Variants in SPIDR observed in about 807,000 individuals in gnomAD.
SPIDR encodes DNA repair-scaffolding protein.
In SPIDR, 93 loss-of-function variants were observed where a neutral mutation model predicts 104.6. The observed-to-expected ratio is 0.89, with a 90% confidence interval of 0.75 to 1.06. The LOEUF is 1.06. Among genes scored for constraint, SPIDR ranks in the 50% least tolerant of loss-of-function variants. The pLI, the probability that SPIDR is intolerant of heterozygous loss-of-function variation, is 0.00. For synonymous variants in SPIDR, 431 were observed against 416.9 expected, an observed-to-expected ratio of 1.03 and a Z score of -0.41; for missense variants, 1,154 against 1,111.2, an observed-to-expected ratio of 1.04 and a Z score of -0.55.
intron 5 of SPIDR, among the ~76,000 whole-genome samples, chr8:47,323,330 C>A (rs2047109405): frequency 6.6e-6 from 1 of 152,112 alleles, no homozygotes; most frequent in Non-Finnish European, 1.5e-5. Context: ...TCATATAATT[C>A]TTTTATCTTA....
At position 47,712,838 on chromosome 8, in the gene SPIDR, C is replaced by G. The variant is rs1177312093; in HGVS notation, c.2154C>G (p.His718Gln). Residue 718 changes from histidine to glutamine, a missense_variant, in exon 15 of 20, where the codon CAC (histidine) becomes CAG (glutamine). Transcript: ENST00000297423. ...VLEALAGAAP[H>Q]SLFFKDALRD... ...AGGCACTCGCTGGGGCTGCCCCTCA[C>G]AGCCTCTTCTTCAAGGACGCTCTCC... 1 of 1,614,112 alleles carries G rather than the reference C, an allele frequency of 6.2e-7. No homozygotes were observed. Among genetic ancestry groups the G allele is most frequent in the Non-Finnish European group, 8.5e-7 (1 of 1,180,036 alleles).
chr8:47,310,804 T>C (rs2044012259), intron 5 of SPIDR, among the ~76,000 whole-genome samples: 1 of 151,812 alleles, frequency 6.6e-6, no homozygotes, highest in African/African-American at 2.4e-5. Flanking sequence ...CAAGAAAGAG[T>C]TCAGAGGTGT....
intron 8 of SPIDR, among the ~76,000 whole-genome samples, chr8:47,570,579 C>T (rs1488458687): frequency 6.6e-6 from 1 of 152,136 alleles, no homozygotes; most frequent in Non-Finnish European, 1.5e-5. Context: ...AGATTAAGAA[C>T]TTTTGTGCTT....
chr8:47,300,354 T>C (rs2041832348), intron 5 of SPIDR, among the ~76,000 whole-genome samples: 3 of 152,230 alleles, frequency 2.0e-5, no homozygotes, highest in South Asian at 4.1e-4. Flanking sequence ...TCTTCTTTAT[T>C]AGTCTTGCTA....
intron 5 of SPIDR, among the ~76,000 whole-genome samples, chr8:47,323,279 G>C (rs1304216590): frequency 6.6e-6 from 1 of 152,008 alleles, no homozygotes; most frequent in East Asian, 1.9e-4. Flanking sequence ...AATCTTCTCA[G>C]GGAACATAGA....
chr8:47,374,384 A>G (rs544458603), intron 5 of SPIDR, among the ~76,000 whole-genome samples: 64 of 152,248 alleles, frequency 4.2e-4, no homozygotes, highest in African/African-American at 1.5e-3. Context: ...TTTGCTTTAT[A>G]TCCTGAGTTA....
At position 47,388,838 on chromosome 8, in the gene SPIDR, C is replaced by T. The variant is rs782586043; in HGVS notation, c.526-7538C>T. Among the ~76,000 whole-genome samples, 28 of 152,312 alleles carry T rather than the reference C, an allele frequency of 1.8e-4. No individual in the cohort carries two copies. In the Middle Eastern group the frequency reaches 0.01, roughly 56 times the overall value. On this transcript the variant is annotated intron_variant, in intron 5 of 19. Coordinates refer to ENST00000297423, the MANE Select transcript of SPIDR (RefSeq NM_001080394.4). ...ACAGCAGTATTGCTAACTTTGGAAA[C>T]GGAGCCAGTATTGAATACTTTATGG... is the stretch of plus-strand genomic sequence containing the variant.
At chr8:47,586,376 G>C (rs2060251179) in intron 8 of SPIDR, among the ~76,000 whole-genome samples, 2 of 152,126 alleles carry the variant, frequency 1.3e-5, no homozygotes, top group South Asian at 4.2e-4. Context: ...AGCAGTATAT[G>C]AGCAATGTAG....
At chr8:47,557,984 A>T (rs1037423047) in intron 8 of SPIDR, among the ~76,000 whole-genome samples, 1 of 152,212 alleles carries the variant, frequency 6.6e-6, no homozygotes, top group African/African-American at 2.4e-5. Flanking sequence ...ATAAAAAATG[A>T]AATCGATGGC....
intron 8 of SPIDR, among the ~76,000 whole-genome samples, chr8:47,450,774 T>C (rs1271756982): frequency 6.6e-6 from 1 of 152,154 alleles, no homozygotes; most frequent in Non-Finnish European, 1.5e-5. Flanking sequence ...CAGAAATCCA[T>C]CCCTCTATCG....
Position 47,410,235 on chromosome 8 carries a change from G to A in SPIDR, c.877+2274G>A, listed in dbSNP as rs531071263. Among the ~76,000 whole-genome samples, 361 of 151,438 alleles carry A rather than the reference G, an allele frequency of 2.4e-3. 1 individual carries two copies. The highest frequency in any genetic ancestry group is 8.4e-3 in the African/African-American group (345 of 41,248). ...CTCGCTCTGTCACCCAGGCTGGAGTGTAGTGGCAAGATCCTGACTCACTGC... is the reference window on the plus strand; with the variant it reads ...CTCGCTCTGTCACCCAGGCTGGAGTATAGTGGCAAGATCCTGACTCACTGC... On this transcript the variant is annotated intron_variant, in intron 7 of 19. Coordinates refer to ENST00000297423, the MANE Select transcript of SPIDR (RefSeq NM_001080394.4).
At chr8:47,285,712 T>A (rs1034168390) in intron 3 of SPIDR, among the ~76,000 whole-genome samples, 1 of 152,216 alleles carries the variant, frequency 6.6e-6, no homozygotes, top group Non-Finnish European at 1.5e-5. Context: ...TCATCTTGGA[T>A]TAAGGCCCAC....
chr8:47,273,034 A>T (rs2154215832), intron 1 of SPIDR, among the ~76,000 whole-genome samples: 1 of 152,240 alleles, frequency 6.6e-6, no homozygotes, highest in East Asian at 1.9e-4. Flanking sequence ...CTATGCCCAG[A>T]TGTGTGGGGT....
rs1467160730 is a variant in SPIDR, at chr8:47,523,613, C to T, written c.1098-72198C>T. 4.6e-5 allele frequency among the ~76,000 whole-genome samples: 7 copies of T among 152,178 alleles called. No individual in the cohort carries two copies. In the South Asian group the frequency reaches 8.3e-4, roughly 18 times the overall value. On this transcript the variant is annotated intron_variant, in intron 8 of 19. Coordinates refer to ENST00000297423, the MANE Select transcript of SPIDR (RefSeq NM_001080394.4). ...CTTCAGTGTGAGTCTGTCTCCCTGC[C>T]GGCTGGTGATGGGGGTCAGGCTGGA...
At chr8:47,702,177 T>G (rs1222493384) in intron 14 of SPIDR, among the ~76,000 whole-genome samples, 162 bp downstream of exon 14, 7 of 149,814 alleles carry the variant, frequency 4.7e-5, no homozygotes, top group Non-Finnish European at 1.0e-4. Flanking sequence ...CTTTGGAAAT[T>G]AATGCATTGC....
intron 5 of SPIDR, among the ~76,000 whole-genome samples, chr8:47,365,643 T>C (rs935428352): frequency 2.0e-5 from 3 of 152,194 alleles, no homozygotes; most frequent in African/African-American, 7.2e-5. Flanking sequence ...TTTCCTAGAA[T>C]TTTTTGTTTA....
intron 8 of SPIDR, among the ~76,000 whole-genome samples, chr8:47,485,731 C>A (rs1023402903): frequency 2.0e-5 from 3 of 152,200 alleles, no homozygotes; most frequent in Non-Finnish European, 4.4e-5. Flanking sequence ...GCTGCTGATA[C>A]CCAGGCAAAC....
chr8:47,487,995 T>G (rs2077988073), intron 8 of SPIDR, among the ~76,000 whole-genome samples: 1 of 151,548 alleles, frequency 6.6e-6, no homozygotes, highest in African/African-American at 2.4e-5. Flanking sequence ...AGGCAAGAAA[T>G]AACTAAGATC....
intron 5 of SPIDR, among the ~76,000 whole-genome samples, chr8:47,336,052 T>A (rs1347627366): frequency 6.6e-6 from 1 of 152,220 alleles, no homozygotes; most frequent in Non-Finnish European, 1.5e-5. Flanking sequence ...CTAATGTCCC[T>A]TTTTCTCTGC....
Sources: allele counts gnomAD v4.1 joint callset (sites outside exome capture counted in the v4.1 genomes callset), GRCh38; gene constraint gnomAD v4.1.1; transcripts MANE v1.5; gene names NCBI Gene and HGNC (gene_info 2026-07-23, HGNC 2026-07-21).